The following NKAIN3 variants were observed in gnomAD, a reference collection of about 807,000 sequenced individuals.
The protein encoded by NKAIN3 is sodium/potassium-transporting ATPase subunit beta-1-interacting protein 3.
In NKAIN3, 25 loss-of-function variants were observed where a neutral mutation model predicts 30.2. The observed-to-expected ratio is 0.83, with a 90% confidence interval of 0.60 to 1.16. The LOEUF is 1.16. Among genes scored for constraint, NKAIN3 ranks in the 50% most tolerant of loss-of-function variants. The pLI, the probability that NKAIN3 is intolerant of heterozygous loss-of-function variation, is 0.00. For missense variants in NKAIN3, 225 were observed against 254.1 expected, an observed-to-expected ratio of 0.89 and a Z score of 0.78; for synonymous variants, 91 against 89.6, an observed-to-expected ratio of 1.02 and a Z score of -0.09.
At chr8:62,319,709 A>G (rs1814802625) in intron 1 of NKAIN3, among the ~76,000 whole-genome samples, 1 of 152,086 alleles carries the variant, frequency 6.6e-6, no homozygotes. Context: ...ATTTATTATA[A>G]TTTCTGTTCT....
At chr8:62,945,872 A>G (rs771907667) in intron 5 of NKAIN3, among the ~76,000 whole-genome samples, 2 of 152,194 alleles carry the variant, frequency 1.3e-5, no homozygotes, top group Non-Finnish European at 2.9e-5. Context: ...CAATTGAACT[A>G]TATCAGTTCT....
chr8:62,846,014 T>G (rs1234684131), intron 4 of NKAIN3, among the ~76,000 whole-genome samples: 1 of 152,184 alleles, frequency 6.6e-6, no homozygotes, highest in Non-Finnish European at 1.5e-5. Context: ...ATTCAGAATG[T>G]CAAGTTTCTA....
At chr8:62,785,665 G>C (rs1057323074) in intron 4 of NKAIN3, among the ~76,000 whole-genome samples, 1 of 152,104 alleles carries the variant, frequency 6.6e-6, no homozygotes, top group Non-Finnish European at 1.5e-5. Flanking sequence ...AGGAATGCAA[G>C]ATTAGCGAAC....
chr8:62,756,327 A>G (rs938431441), intron 4 of NKAIN3, among the ~76,000 whole-genome samples: 1 of 152,162 alleles, frequency 6.6e-6, no homozygotes, highest in Non-Finnish European at 1.5e-5. Context: ...TGTCATATAA[A>G]TGTGGTCTTT....
intron 4 of NKAIN3, among the ~76,000 whole-genome samples, chr8:62,911,968 G>T (rs144607009): frequency 6.6e-6 from 1 of 152,092 alleles, no homozygotes; most frequent in Non-Finnish European, 1.5e-5. Flanking sequence ...ATGCCAGAAG[G>T]TCATATGTCA....
At chr8:62,802,759 T>C (rs554364971) in intron 4 of NKAIN3, among the ~76,000 whole-genome samples, 10 of 152,206 alleles carry the variant, frequency 6.6e-5, no homozygotes, top group Admixed American at 1.3e-4. Context: ...AATTCACACA[T>C]AACAATATTA....
chr8:62,412,655 G>T (rs1204600561), intron 1 of NKAIN3, among the ~76,000 whole-genome samples: 2 of 151,924 alleles, frequency 1.3e-5, no homozygotes, highest in African/African-American at 4.8e-5. Flanking sequence ...AGCACTTTGG[G>T]AGGCAGAGGC....
chr8:62,292,591 C>T (rs1321645987), intron 1 of NKAIN3, among the ~76,000 whole-genome samples: 1 of 152,312 alleles, frequency 6.6e-6, no homozygotes, highest in African/African-American at 2.4e-5. Flanking sequence ...TGTAGAGTTT[C>T]TGCTGAGAGA....
At chr8:62,250,609 T>C (rs1420286725) in intron 1 of NKAIN3, among the ~76,000 whole-genome samples, 1 of 152,212 alleles carries the variant, frequency 6.6e-6, no homozygotes, top group Non-Finnish European at 1.5e-5. Context: ...GCATGCTGGA[T>C]TGCATAATCT....
chr8:62,965,505 T>A lies in NKAIN3; in HGVS notation c.*98T>A. On this transcript the variant is annotated 3_prime_UTR_variant, in exon 7 of 7. Transcript: ENST00000623646. ...TGCTTCCTGGCTTTCCCACGAATCA[T>A]GGAGCATTTTGGTCACAGCCTTTGT... is the stretch of plus-strand genomic sequence containing the variant. The A allele has an allele frequency of 1.0e-6, 1 of 985,506 alleles. No homozygotes were observed. The highest frequency in any genetic ancestry group is 1.2e-6 in the Non-Finnish European group (1 of 829,876). 61.0% of individuals were successfully genotyped at this position (985,506 alleles called of 1,614,324 possible).
At chr8:62,772,801 C>T (rs778736449) in intron 4 of NKAIN3, among the ~76,000 whole-genome samples, 72 of 151,856 alleles carry the variant, frequency 4.7e-4, no homozygotes, top group Non-Finnish European at 1.0e-4. Flanking sequence ...GCTGGGACTA[C>T]AAACGCACGC....
At chr8:62,260,949 T>C (rs1461053770) in intron 1 of NKAIN3, among the ~76,000 whole-genome samples, 9 of 152,316 alleles carry the variant, frequency 5.9e-5, no homozygotes, top group Admixed American at 2.0e-4. Context: ...GATTATCTAT[T>C]GAGTATCTCT....
At chr8:62,868,960 T>A (rs763287292) in intron 4 of NKAIN3, among the ~76,000 whole-genome samples, 1 of 152,012 alleles carries the variant, frequency 6.6e-6, no homozygotes. Context: ...AAGGATTAGA[T>A]CTTTTCTCCT....
intron 4 of NKAIN3, chr8:62,856,023 C>T: frequency 4.4e-6 from 3 of 684,910 alleles, no homozygotes; most frequent in Non-Finnish European, 8.0e-6. Context: ...CAGGGAGGGC[C>T]TCAGATGATG....
chr8:62,846,765 G>T (rs144118411), intron 4 of NKAIN3, among the ~76,000 whole-genome samples: 2 of 151,938 alleles, frequency 1.3e-5, no homozygotes, highest in Non-Finnish European at 2.9e-5. Context: ...CTCATGCTGC[G>T]AATAAAGACC....
intron 3 of NKAIN3, among the ~76,000 whole-genome samples, chr8:62,660,116 T>G (rs60508325): frequency 0.11 from 16,620 of 152,146 alleles, 2,291 homozygotes; most frequent in African/African-American, 0.33. Flanking sequence ...CACTCCCAAG[T>G]TACCAACTTG....
At chr8:62,309,011 T>C (rs548566147) in intron 1 of NKAIN3, among the ~76,000 whole-genome samples, 1 of 150,468 alleles carries the variant, frequency 6.6e-6, no homozygotes, top group East Asian at 1.9e-4. Context: ...GTTTTGAAAA[T>C]CAGTGAGATT....
chr8:62,695,937 T>C (rs1405000773), intron 3 of NKAIN3, among the ~76,000 whole-genome samples: 2 of 152,144 alleles, frequency 1.3e-5, no homozygotes, highest in African/African-American at 4.8e-5. Context: ...AAATGAATGG[T>C]CCCAAATGAA....
At chr8:62,402,765 CG>C (rs2129595366) in intron 1 of NKAIN3, among the ~76,000 whole-genome samples, 1 of 152,208 alleles carries the variant, frequency 6.6e-6, no homozygotes, top group Non-Finnish European at 1.5e-5. Context: ...TCCTTATAGC[CG>C]CGTGGGAACA....
Sources: gnomAD v4.1 joint callset for allele counts (sites outside exome capture counted in the v4.1 genomes callset) on GRCh38, gnomAD v4.1.1 for gene constraint, MANE v1.5 for transcripts, NCBI Gene and HGNC (gene_info 2026-07-23, HGNC 2026-07-21) for gene names.